FANCD2: variants seen among roughly 807,000 people sequenced by gnomAD.
The protein encoded by FANCD2 is Fanconi anemia group D2 protein.
Under a neutral mutation model 192.3 loss-of-function variants are expected in FANCD2, and 131 were observed. That is an observed-to-expected ratio of 0.68 (90% CI 0.59 to 0.79). The LOEUF (loss-of-function observed/expected upper bound fraction) is 0.79, where lower values mean the gene tolerates loss of function less well. FANCD2 is among the 30% of genes least tolerant of loss of function. FANCD2 has a pLI of 0.00. For missense variants in FANCD2, 1,508 were observed against 1,701.6 expected, an observed-to-expected ratio of 0.89 and a Z score of 2.00; for synonymous variants, 524 against 612.5, an observed-to-expected ratio of 0.86 and a Z score of 2.13.
chr3:10,097,380 A>AT (rs1357136978), intron 42 of FANCD2, among the ~76,000 whole-genome samples: 3 of 152,198 alleles, frequency 2.0e-5, no homozygotes, highest in Non-Finnish European at 4.4e-5. Flanking sequence ...AGTCTCGACC[A>AT]TAAGAGACAG....
At chr3:10,054,426 CATGTATATACATGTATATACATATAT>C (rs1282648263) in intron 18 of FANCD2, among the ~76,000 whole-genome samples, 7 of 51,970 alleles carry the variant, frequency 1.3e-4, no homozygotes, top group Admixed American at 2.7e-4. Flanking sequence ...TACATATATA[CATGTATATACATGTATATACATATAT>C]ATATATATAT....
chr3:10,060,860 G>A (rs1243030584), intron 19 of FANCD2, among the ~76,000 whole-genome samples: 1 of 152,094 alleles, frequency 6.6e-6, no homozygotes, highest in African/African-American at 2.4e-5. Context: ...AGAAATATCG[G>A]TTTGGGGGCT....
intron 43 of FANCD2, among the ~76,000 whole-genome samples, chr3:10,100,779 T>C (rs905618882): frequency 6.6e-6 from 1 of 152,164 alleles, no homozygotes; most frequent in Non-Finnish European, 1.5e-5. Context: ...TTTAAAATTA[T>C]GCAAATTGGG....
intron 18 of FANCD2, among the ~76,000 whole-genome samples, chr3:10,058,709 C>G (rs1241243835): frequency 6.6e-6 from 1 of 152,182 alleles, no homozygotes; most frequent in Non-Finnish European, 1.5e-5. Context: ...GTCTATACGT[C>G]TGTCCTTCTG....
At chr3:10,076,663 C>T (rs953673652) in intron 29 of FANCD2, among the ~76,000 whole-genome samples, 2 of 152,176 alleles carry the variant, frequency 1.3e-5, no homozygotes, top group Non-Finnish European at 2.9e-5. Flanking sequence ...GATCCTCCCA[C>T]CTCAGCCTTC....
At chr3:10,039,889 G>A (rs1275492111) in intron 9 of FANCD2, 44 bp downstream of exon 9, 1 of 1,612,998 alleles carries the variant, frequency 6.2e-7, no homozygotes, top group Admixed American at 1.7e-5. Flanking sequence ...CTCAGCTATG[G>A]GGGTTCTATC....
intron 14 of FANCD2, among the ~76,000 whole-genome samples, chr3:10,044,090 C>T (rs988831134): frequency 6.6e-6 from 1 of 152,140 alleles, no homozygotes; most frequent in Non-Finnish European, 1.5e-5. Context: ...CTACAGTATC[C>T]ACAAGGGGAA....
chr3:10,036,193 G>A, intron 6 of FANCD2, 94 bp from the exon 7 acceptor site: 1 of 996,270 alleles, frequency 1.0e-6, no homozygotes, highest in Non-Finnish European at 1.6e-6. Context: ...GGTCCAAGAG[G>A]TTCTCGTGCC....
At chr3:10,061,709 G>T (rs34603919) in intron 19 of FANCD2, among the ~76,000 whole-genome samples, 5,253 of 152,090 alleles carry the variant, frequency 0.035, 127 homozygotes, top group African/African-American at 0.059. Flanking sequence ...AAAATATATA[G>T]GATAACCATC....
chr3:10,099,013 C>G (rs1695148316), intron 43 of FANCD2, 198 bp downstream of exon 43: 10 of 1,612,922 alleles, frequency 6.2e-6, no homozygotes, highest in Non-Finnish European at 8.5e-6. Context: ...CTTAGAATCA[C>G]TCCTGAGTAT....
intron 29 of FANCD2, among the ~76,000 whole-genome samples, chr3:10,076,576 T>C (rs1270509458): frequency 6.6e-6 from 1 of 152,142 alleles, no homozygotes; most frequent in Non-Finnish European, 1.5e-5. Flanking sequence ...AGAGTCTTGC[T>C]CTGTCACCCA....
chr3:10,087,679 G>C (rs746529366), intron 34 of FANCD2, among the ~76,000 whole-genome samples: 9 of 151,538 alleles, frequency 5.9e-5, no homozygotes, highest in East Asian at 3.9e-4. Context: ...ACAGAGTCTC[G>C]TTCTGTCACC....
chr3:10,042,584 TGTC>T lies in FANCD2; in HGVS notation c.813_815del (p.Ser272del), dbSNP rs748327074. On this transcript the variant is annotated inframe_deletion, in exon 11 of 44. Transcript: ENST00000675286. ...GTTCGCCAGTTGGTGATGGATAAGTTGTCGTCTATTAGATTGGAGGATTTACCT... is the reference window on the plus strand; with the variant it reads ...GTTCGCCAGTTGGTGATGGATAAGTTGTCTATTAGATTGGAGGATTTACCT... The T allele has an allele frequency of 1.9e-6, 3 of 1,614,110 alleles. No individual in the cohort carries two copies. Among genetic ancestry groups the T allele is most frequent in the South Asian group, 1.1e-5 (1 of 91,086 alleles).
At chr3:10,071,960 G>C (rs6772315) in intron 26 of FANCD2, among the ~76,000 whole-genome samples, 1 of 151,728 alleles carries the variant, frequency 6.6e-6, no homozygotes, top group Non-Finnish European at 1.5e-5. Context: ...GGGTTTCACC[G>C]TGTTGGCCGG....
intron 27 of FANCD2, 80 bp from the exon 28 acceptor site, chr3:10,073,173 G>C: frequency 8.5e-7 from 1 of 1,172,674 alleles, no homozygotes; most frequent in Non-Finnish European, 1.3e-6. Flanking sequence ...GTTTCCAACA[G>C]GTTGTTTTCT....
At chr3:10,035,345 T>C in intron 6 of FANCD2, 112 bp downstream of exon 6, 1 of 915,156 alleles carries the variant, frequency 1.1e-6, no homozygotes, top group Non-Finnish European at 1.8e-6. Flanking sequence ...GAATTTGGGT[T>C]TGTAGCAGCT....
Position 10,088,472 on chromosome 3 carries a change from T to G in FANCD2, c.3490T>G (p.Cys1164Gly). 1 of 1,611,040 alleles carries G rather than the reference T, an allele frequency of 6.2e-7. No individual in the cohort carries two copies. The highest frequency in any genetic ancestry group is 8.5e-7 in the Non-Finnish European group (1 of 1,177,160). Residue 1164 changes from cysteine (C) to glycine (G), a missense_variant, in exon 35 of 44, where the codon TGT becomes GGT. This residue lies in a region of FANCD2 where 796 missense variants were observed against 879.4 expected (regional missense o/e 0.91). Coordinates refer to ENST00000675286, the MANE Select transcript of FANCD2 (RefSeq NM_001018115.3). ...AGCTTCCCTTGCCAGACAATTCCTC[T>G]GTCGGGTGTGGCCAAGTGGGGATAA... ...KIASLARQFL[C>G]RVWPSGDKEK... is the part of the protein sequence containing the mutation.
chr3:10,096,882 C>G (rs1317222005), intron 42 of FANCD2, among the ~76,000 whole-genome samples: 1 of 152,114 alleles, frequency 6.6e-6, no homozygotes, highest in Admixed American at 6.5e-5. Context: ...ACAAATTAAT[C>G]TCTTATTGGG....
intron 26 of FANCD2, among the ~76,000 whole-genome samples, chr3:10,070,500 A>G (rs1693158270): frequency 1.4e-5 from 1 of 70,608 alleles, no homozygotes; most frequent in African/African-American, 7.2e-5. Flanking sequence ...TCCGGGAGGG[A>G]GGTGGGGGGG....
Sources: allele counts gnomAD v4.1 joint callset (sites outside exome capture counted in the v4.1 genomes callset), GRCh38; gene constraint gnomAD v4.1.1; regional missense constraint gnomAD v4.1.1; transcripts MANE v1.5; gene names NCBI Gene and HGNC (gene_info 2026-07-23, HGNC 2026-07-21).